Variants in PTN observed in about 807,000 individuals in gnomAD.
PTN encodes pleiotrophin, also known as heparin affin regulatory protein.
A neutral mutation model predicts 24.1 loss-of-function variants in PTN; 18 were observed. The ratio of observed to expected loss-of-function variants is 0.75; its 90% CI spans 0.52 to 1.11. The LOEUF (loss-of-function observed/expected upper bound fraction) is 1.11, where lower values mean the gene tolerates loss of function less well. Among genes scored for constraint, PTN ranks in the 50% least tolerant of loss-of-function variants. The pLI is 0.00. For missense variants in PTN, 163 were observed against 198.8 expected, an observed-to-expected ratio of 0.82 and a Z score of 1.08; for synonymous variants, 78 against 68.6, an observed-to-expected ratio of 1.14 and a Z score of -0.67.
At chr7:137,270,987 A>G (rs1272885147) in intron 1 of PTN, among the ~76,000 whole-genome samples, 1 of 152,198 alleles carries the variant, frequency 6.6e-6, no homozygotes, top group Non-Finnish European at 1.5e-5. Flanking sequence ...TAAGACAAGA[A>G]GGCCTCCAAG....
intron 1 of PTN, chr7:137,326,395 G>A (rs1448850405): frequency 6.6e-6 from 1 of 152,030 alleles, no homozygotes; most frequent in Non-Finnish European, 1.5e-5. Flanking sequence ...CACCCTTCAT[G>A]TACTCACCTC....
intron 4 of PTN, 130 bp downstream of exon 4, chr7:137,251,100 T>C (rs899470298): frequency 2.8e-6 from 3 of 1,075,332 alleles, no homozygotes; most frequent in Non-Finnish European, 4.1e-6. Flanking sequence ...TGACTCTCAG[T>C]GTAGGGGAGT....
chr7:137,264,017 G>A (rs1809090432), intron 1 of PTN, among the ~76,000 whole-genome samples: 1 of 152,176 alleles, frequency 6.6e-6, no homozygotes. Flanking sequence ...CAGAATGAGT[G>A]AATTCTTTCC....
intron 1 of PTN, among the ~76,000 whole-genome samples, chr7:137,291,593 C>G (rs545284260): frequency 5.9e-4 from 89 of 152,092 alleles, no homozygotes; most frequent in African/African-American, 2.0e-3. Flanking sequence ...CCTTGACCAC[C>G]AGTTTTGACT....
intron 1 of PTN, among the ~76,000 whole-genome samples, chr7:137,308,795 G>A (rs1167900433): frequency 1.3e-5 from 2 of 152,136 alleles, no homozygotes; most frequent in African/African-American, 4.8e-5. Flanking sequence ...TAAATATTAA[G>A]CAGGGACAGG....
chr7:137,281,447 T>C (rs1415655369), intron 1 of PTN, among the ~76,000 whole-genome samples: 1 of 152,146 alleles, frequency 6.6e-6, no homozygotes, highest in East Asian at 1.9e-4. Context: ...CCTACACCTC[T>C]CCTCAGAACC....
At chr7:137,324,213 T>C (rs1810212216) in intron 1 of PTN, among the ~76,000 whole-genome samples, 1 of 151,588 alleles carries the variant, frequency 6.6e-6, no homozygotes, top group African/African-American at 2.4e-5. Context: ...TGTCTGAAAG[T>C]AGTTCTGTGG....
chr7:137,269,376 T>C (rs898694928), intron 1 of PTN, among the ~76,000 whole-genome samples: 6 of 152,174 alleles, frequency 3.9e-5, no homozygotes, highest in African/African-American at 1.4e-4. Flanking sequence ...ATTCTCACAT[T>C]GGCTCACCAT....
At position 137,251,910 on chromosome 7, in the gene PTN, C is replaced by CCCAGTTTGTTTAA. The variant is rs1487284490; in HGVS notation, c.290-532_290-520dup. Among the ~76,000 whole-genome samples the CCCAGTTTGTTTAA allele has an allele frequency of 6.3e-4, 95 of 151,852 alleles. 4 individuals carry two copies. The highest frequency in any genetic ancestry group is 6.2e-3 in the Admixed American group (94 of 15,274). ...GTAGTATTCCATGGTCCCAATGTACCCCAGTTTGTTTAACCATTCATCAGC... is the reference window on the plus strand; with the variant it reads ...GTAGTATTCCATGGTCCCAATGTACCCCAGTTTGTTTAACCAGTTTGTTTAACCATTCATCAGC... On this transcript the variant is annotated intron_variant, in intron 3 of 4. Transcript: ENST00000348225.
In PTN at chr7:137,314,599, T is replaced by TTC. The variant is rs1405491125; in HGVS notation, c.-2+28839_-2+28840insGA. ...CAAACCCAGTCTTTTACATGATGCT[T>TTC]TTTTTTTTTTTTTTAGAGAGTCTCG... is the stretch of plus-strand genomic sequence containing the variant. On this transcript the variant is annotated intron_variant, in intron 1 of 4. Transcript: ENST00000348225. Among the ~76,000 whole-genome samples, 25 of 133,356 alleles carry TTC rather than the reference T, an allele frequency of 1.9e-4. No individual in the cohort carries two copies. The East Asian group carries it at 3.3e-3, about 18-fold the overall frequency. The allele number at this position is 133,356 out of a possible 152,430, so 87.5% of individuals were successfully genotyped here.
intron 1 of PTN, among the ~76,000 whole-genome samples, chr7:137,266,374 T>G (rs1380302545): frequency 2.6e-5 from 4 of 152,198 alleles, no homozygotes; most frequent in Non-Finnish European, 4.4e-5. Flanking sequence ...TATTTAACTT[T>G]CCTTATACAC....
intron 1 of PTN, among the ~76,000 whole-genome samples, chr7:137,324,433 A>AAATATATATATATATAT: frequency 1.1e-5 from 1 of 88,804 alleles, no homozygotes; most frequent in African/African-American, 6.9e-5. Context: ...AAAAAAAAAA[A>AAATATATATATATATAT]ATATATATAT....
At chr7:137,281,562 A>G (rs775882459) in intron 1 of PTN, among the ~76,000 whole-genome samples, 1 of 152,200 alleles carries the variant, frequency 6.6e-6, no homozygotes, top group African/African-American at 2.4e-5. Flanking sequence ...TTGAATGAGA[A>G]TTTCCATTTT....
At chr7:137,264,800 A>T (rs1212307016) in intron 1 of PTN, among the ~76,000 whole-genome samples, 1 of 152,124 alleles carries the variant, frequency 6.6e-6, no homozygotes, top group Non-Finnish European at 1.5e-5. Context: ...GCATGGGGGG[A>T]CTTTAGGTTT....
intron 1 of PTN, among the ~76,000 whole-genome samples, chr7:137,298,562 A>G (rs2128878180): frequency 6.6e-6 from 1 of 151,976 alleles, no homozygotes; most frequent in East Asian, 1.9e-4. Flanking sequence ...AATTCTGTGC[A>G]CACTCTTGGT....
Position 137,263,009 on chromosome 7 carries a change from C to G in PTN, c.-1-8035G>C, listed in dbSNP as rs184787996. Among the ~76,000 whole-genome samples the G allele has an allele frequency of 1.1e-4, 17 of 152,184 alleles. No individual in the cohort carries two copies. The East Asian group carries it at 3.3e-3, about 29-fold the overall frequency. On this transcript the variant is annotated intron_variant, in intron 1 of 4. Coordinates refer to ENST00000348225, the MANE Select transcript of PTN (RefSeq NM_002825.7). ...TCTCTCGTCCCTCATTTCCCCCCTT[C>G]GAGACTCTCACTTTTTATTAGTTGG...
chr7:137,331,208 C>G (rs1289647601), intron 1 of PTN, among the ~76,000 whole-genome samples: 7 of 152,150 alleles, frequency 4.6e-5, no homozygotes, highest in African/African-American at 1.7e-4. Flanking sequence ...GTGGATCTGT[C>G]TGTTTAGAGA....
intron 1 of PTN, among the ~76,000 whole-genome samples, chr7:137,262,260 T>C (rs564739553): frequency 6.6e-6 from 1 of 152,262 alleles, no homozygotes; most frequent in African/African-American, 2.4e-5. Flanking sequence ...TCTCAAATCC[T>C]TTTTATATTT....
intron 1 of PTN, among the ~76,000 whole-genome samples, chr7:137,256,806 AC>A (rs1554463899): frequency 1.2e-5 from 1 of 80,864 alleles, no homozygotes; most frequent in East Asian, 4.3e-4. Flanking sequence ...TTTATAAAAA[AC>A]AAAACAAAAC....
Sources: allele counts gnomAD v4.1 joint callset (sites outside exome capture counted in the v4.1 genomes callset), GRCh38; gene constraint gnomAD v4.1.1; transcripts MANE v1.5; gene names NCBI Gene and HGNC (gene_info 2026-07-23, HGNC 2026-07-21).